Variants in NFIL3 observed in about 807,000 individuals in gnomAD.
NFIL3 encodes the protein nuclear factor, interleukin 3 regulated, also known as nuclear factor interleukin-3-regulated protein.
In NFIL3, 5 loss-of-function variants were observed where a neutral mutation model predicts 10.0. The ratio of observed to expected loss-of-function variants is 0.50; its 90% confidence interval spans 0.26 to 1.06. The LOEUF is 1.06. Among genes scored for constraint, NFIL3 ranks in the 50% least tolerant of loss-of-function variants. The pLI is 0.13. For missense variants in NFIL3, 436 were observed against 547.6 expected, an observed-to-expected ratio of 0.80 and a Z score of 2.03; for synonymous variants, 202 against 206.5, an observed-to-expected ratio of 0.98 and a Z score of 0.19.
At chr9:91,465,643 A>T in the NFIL3 span, among the ~76,000 whole-genome samples, 1 of 150,382 alleles carries the variant, frequency 6.6e-6, no homozygotes, top group Admixed American at 6.7e-5. Flanking sequence ...TAGTGTGTGC[A>T]TTTTTTTTTC....
the NFIL3 span, among the ~76,000 whole-genome samples, chr9:91,476,168 C>T: frequency 6.6e-6 from 1 of 152,196 alleles, no homozygotes; most frequent in Non-Finnish European, 1.5e-5. Flanking sequence ...CTAGGACTTT[C>T]CTGATACTAA....
the NFIL3 span, among the ~76,000 whole-genome samples, chr9:91,467,232 ATG>A: frequency 2.6e-5 from 4 of 151,902 alleles, no homozygotes; most frequent in African/African-American, 7.3e-5. Flanking sequence ...GTAAATGCAT[ATG>A]TGTGTGTATA....
At chr9:91,427,121 T>A (rs1833880561), upstream of NFIL3, 1 of 152,028 alleles carries the variant, frequency 6.6e-6, no homozygotes. Context: ...GGCAAGCAAT[T>A]CATTAAAAAA....
At chr9:91,460,271 CTTT>C in the NFIL3 span, among the ~76,000 whole-genome samples, 26 of 70,426 alleles carry the variant, frequency 3.7e-4, no homozygotes, top group African/African-American at 1.7e-3. Flanking sequence ...GGGCTTGGTT[CTTT>C]TTTTTTTTTT....
At chr9:91,478,903 T>C in the NFIL3 span, among the ~76,000 whole-genome samples, 1 of 152,194 alleles carries the variant, frequency 6.6e-6, no homozygotes, top group Non-Finnish European at 1.5e-5. Flanking sequence ...ATCAGGAGCC[T>C]CTGCTGCAGG....
the NFIL3 span, among the ~76,000 whole-genome samples, chr9:91,431,957 C>T: frequency 6.6e-6 from 1 of 152,180 alleles, no homozygotes; most frequent in Non-Finnish European, 1.5e-5. Flanking sequence ...GGACGCCTTT[C>T]CCTCTTCTAC....
chr9:91,458,501 T>C, the NFIL3 span, among the ~76,000 whole-genome samples: 2 of 152,102 alleles, frequency 1.3e-5, no homozygotes, highest in Admixed American at 1.3e-4. Context: ...CTCTCCTTCT[T>C]GATATTGGGC....
chr9:91,452,709 C>T, the NFIL3 span, among the ~76,000 whole-genome samples: 1 of 149,984 alleles, frequency 6.7e-6, no homozygotes, highest in African/African-American at 2.5e-5. Context: ...ATCACTTGAA[C>T]TCGGGAGGCG....
the NFIL3 span, among the ~76,000 whole-genome samples, chr9:91,467,900 T>C: frequency 6.6e-6 from 1 of 152,182 alleles, no homozygotes; most frequent in African/African-American, 2.4e-5. Flanking sequence ...TATTCCATGG[T>C]GTTTATGTGC....
At chr9:91,439,416 G>T in the NFIL3 span, among the ~76,000 whole-genome samples, 1 of 151,898 alleles carries the variant, frequency 6.6e-6, no homozygotes, top group Non-Finnish European at 1.5e-5. Context: ...TTTCCCTGTG[G>T]AATCTTTGGG....
the NFIL3 span, among the ~76,000 whole-genome samples, chr9:91,460,178 C>T: frequency 6.6e-6 from 1 of 150,538 alleles, no homozygotes; most frequent in Non-Finnish European, 1.5e-5. Flanking sequence ...AAGCAATCCT[C>T]GGAGGAAGAG....
the NFIL3 span, among the ~76,000 whole-genome samples, chr9:91,452,223 A>G: frequency 6.6e-6 from 1 of 152,240 alleles, no homozygotes; most frequent in Non-Finnish European, 1.5e-5. Flanking sequence ...TTCTCTCAGA[A>G]GCCTGCTACC....
At chr9:91,419,668 G>T (rs1833721011) in intron 1 of NFIL3, among the ~76,000 whole-genome samples, 1 of 152,240 alleles carries the variant, frequency 6.6e-6, no homozygotes. Flanking sequence ...GATGATAACA[G>T]AGCCCCTCAA....
the NFIL3 span, among the ~76,000 whole-genome samples, chr9:91,438,575 T>C: frequency 2.0e-5 from 3 of 152,178 alleles, no homozygotes; most frequent in African/African-American, 7.2e-5. Flanking sequence ...GGGAAAAAAA[T>C]CATTGTCAAG....
upstream of NFIL3, among the ~76,000 whole-genome samples, chr9:91,426,010 C>G (rs1292056802): frequency 6.6e-6 from 1 of 152,092 alleles, no homozygotes; most frequent in Admixed American, 6.5e-5. Context: ...AATTTCAAAG[C>G]CGTTGTAGTA....
the NFIL3 span, among the ~76,000 whole-genome samples, chr9:91,468,812 T>C: frequency 6.6e-6 from 1 of 152,204 alleles, no homozygotes; most frequent in South Asian, 2.1e-4. Flanking sequence ...CCCCATTTCT[T>C]GTTTTTGTCA....
the NFIL3 span, among the ~76,000 whole-genome samples, chr9:91,451,163 T>A: frequency 6.6e-6 from 1 of 152,170 alleles, no homozygotes; most frequent in African/African-American, 2.4e-5. Context: ...TACTCCTGAT[T>A]CCAAATATAT....
At chr9:91,428,195 G>T (rs752986100), upstream of NFIL3, among the ~76,000 whole-genome samples, 12 of 151,954 alleles carry the variant, frequency 7.9e-5, no homozygotes, top group Non-Finnish European at 1.5e-4. Context: ...GCCTTTTCTT[G>T]TAGTTTTTCT....
the NFIL3 span, among the ~76,000 whole-genome samples, chr9:91,460,697 T>G: frequency 3.3e-5 from 5 of 152,162 alleles, no homozygotes; most frequent in South Asian, 4.1e-4. Context: ...CTGGGGGAGT[T>G]CTGCAAAGTT....
Sources: allele counts gnomAD v4.1 joint callset (sites outside exome capture counted in the v4.1 genomes callset), GRCh38; gene constraint gnomAD v4.1.1; transcripts MANE v1.5; gene names NCBI Gene and HGNC (gene_info 2026-07-23, HGNC 2026-07-21).